UNC13B: variants seen among roughly 807,000 people sequenced by gnomAD.
UNC13B encodes unc-13 homolog B.
Under a neutral mutation model 211.0 loss-of-function variants are expected in UNC13B, and 144 were observed. The observed-to-expected ratio is 0.68, with a 90% CI of 0.60 to 0.78. UNC13B has a LOEUF of 0.78. Ranked by LOEUF, UNC13B falls within the 30% of genes least tolerant of loss-of-function variation. The pLI is 0.00. For synonymous variants in UNC13B, 709 were observed against 725.8 expected (o/e 0.98, Z 0.37); for missense variants, 1,777 against 2,002.0 (o/e 0.89, Z 2.14).
rs1829822662 is a variant in UNC13B at position 35,304,283 on chromosome 9, T to G, written c.4879T>G (p.Leu1627Val). 1 of 398,756 alleles carries G rather than the reference T, an allele frequency of 2.5e-6. No individual in the cohort carries two copies. Among genetic ancestry groups the G allele is most frequent in the Non-Finnish European group, 4.4e-6 (1 of 225,900 alleles). 24.7% of individuals were successfully genotyped at this position (398,756 alleles called of 1,614,324 possible). ...AAGTGAGGAACCATTGTATCTAAATTTAGAAACCTTTTCACAAGTACTTAA... is the reference window on the plus strand; with the variant it reads ...AAGTGAGGAACCATTGTATCTAAATGTAGAAACCTTTTCACAAGTACTTAA... ...PRSEEPLYLN[L>V]ETFSQVLKES... The change falls in exon 9 of 40, where the codon TTA becomes GTA. Residue 1627 changes from leucine (L) to valine (V), a missense_variant. Leu to Val is a conservative substitution (Grantham distance 32). Coordinates refer to ENST00000635942, the MANE Select transcript of UNC13B (RefSeq NM_001371189.2).
At position 35,222,343 on chromosome 9, in the gene UNC13B, A is replaced by G. The variant is rs1027012252; in HGVS notation, c.23-5672A>G. Among the ~76,000 whole-genome samples the G allele has an allele frequency of 4.4e-4, 67 of 152,194 alleles. 1 individual carries two copies. Among genetic ancestry groups the G allele is most frequent in the Non-Finnish European group, 8.8e-4 (60 of 68,030 alleles). On this transcript the variant is annotated intron_variant, in intron 1 of 39. Coordinates refer to ENST00000635942, the MANE Select transcript of UNC13B (RefSeq NM_001371189.2). ...TTTGATTTCTCTCCTCAGTGTTTAT[A>G]GTTTTTAACTTACAGGCCTTACATT... is the stretch of plus-strand genomic sequence containing the variant.
At chr9:35,382,250 A>G (rs1026280318) in intron 20 of UNC13B, 107 bp from the exon 21 acceptor site, 88 of 1,458,034 alleles carry the variant, frequency 6.0e-5, no homozygotes, top group Admixed American at 1.1e-4. Flanking sequence ...GAGGGCAGCA[A>G]TTGCCCTGGC....
chr9:35,353,463 G>A, intron 11 of UNC13B: 2 of 1,232,194 alleles, frequency 1.6e-6, no homozygotes, highest in Non-Finnish European at 2.0e-6. Flanking sequence ...GAGAGCCCTG[G>A]GAGTCAGGGG....
Position 35,295,759 on chromosome 9 carries a change from A to G in UNC13B, c.590A>G (p.Asn197Ser). The G allele has an allele frequency of 6.2e-7, 1 of 1,613,992 alleles. No individual in the cohort carries two copies. Among genetic ancestry groups the G allele is most frequent in the South Asian group, 1.1e-5 (1 of 91,044 alleles). The change falls in exon 8 of 40, where the codon AAC (asparagine) becomes AGC (serine). Residue 197 changes from asparagine to serine, a missense_variant. Coordinates refer to ENST00000635942, the MANE Select transcript of UNC13B (RefSeq NM_001371189.2). ...AGTGACTATCGCAGTGAGACCAGCA[A>G]CAGCTTCCCACCTCCTTACCATACA... The part of the protein sequence containing the change: ...RDSDYRSETS[N>S]SFPPPYHTAS...
intron 6 of UNC13B, among the ~76,000 whole-genome samples, chr9:35,257,304 A>AAAAATATAAATATTTAT (rs1222484397): frequency 6.6e-5 from 2 of 30,180 alleles, no homozygotes; most frequent in Admixed American, 5.2e-4. Flanking sequence ...TTATATTTAT[A>AAAAATATAAATATTTAT]AAAAATATAA....
At position 35,190,489 on chromosome 9, in the gene UNC13B, G is replaced by C. The variant is rs929493185; in HGVS notation, c.22+28184G>C. Among the ~76,000 whole-genome samples the C allele has an allele frequency of 7.2e-5, 11 of 152,244 alleles. No homozygotes were observed. The East Asian group carries it at 1.4e-3, about 19-fold the overall frequency. ...AAAACAGAACTGAGCCTTTGATTTTGAGAGGGAATGATCTGCTTTTAATTC... is the reference window on the plus strand; with the variant it reads ...AAAACAGAACTGAGCCTTTGATTTTCAGAGGGAATGATCTGCTTTTAATTC... On this transcript the variant is annotated intron_variant, in intron 1 of 39. Transcript: ENST00000635942.
intron 17 of UNC13B, 58 bp downstream of exon 17, chr9:35,378,494 A>T: frequency 6.3e-7 from 1 of 1,599,484 alleles, no homozygotes; most frequent in Non-Finnish European, 8.6e-7. Context: ...GAGCAGGATC[A>T]CATCCTGCCA....
chr9:35,209,782 C>A (rs1218122597), intron 1 of UNC13B, among the ~76,000 whole-genome samples: 1 of 152,200 alleles, frequency 6.6e-6, no homozygotes, highest in Admixed American at 6.5e-5. Context: ...ATTCTTCATT[C>A]TATTTCCATT....
chr9:35,376,836 G>A (rs1834447047), intron 15 of UNC13B, among the ~76,000 whole-genome samples: 1 of 152,188 alleles, frequency 6.6e-6, no homozygotes. Context: ...ATAGGAGCAG[G>A]AAAAGCAACA....
intron 6 of UNC13B, among the ~76,000 whole-genome samples, chr9:35,247,170 A>T (rs1307779325): frequency 6.6e-6 from 1 of 152,168 alleles, no homozygotes; most frequent in Non-Finnish European, 1.5e-5. Flanking sequence ...TTATTGGTGT[A>T]CAGGAATGCT....
Position 35,381,101 on chromosome 9 carries a change from G to C in UNC13B, c.10377G>C (p.Glu3459Asp). 6.2e-7 allele frequency: 1 copy of C among 1,613,682 alleles called. No individual in the cohort carries two copies. Among genetic ancestry groups the C allele is most frequent in the Non-Finnish European group, 8.5e-7 (1 of 1,179,718 alleles). The change falls in exon 19 of 40, where the codon GAG becomes GAC. Residue 3459 changes from glutamate (E) to aspartate (D), a missense_variant and splice_region_variant. Glu to Asp is a conservative substitution (Grantham distance 45, BLOSUM62 2). Coordinates refer to ENST00000635942, the MANE Select transcript of UNC13B (RefSeq NM_001371189.2). Reference protein sequence around the residue: ...SGEMDVWYNLEKRTDKSAVSG... With the variant: ...SGEMDVWYNLDKRTDKSAVSG... ...TCTCCAGTCTTCTTTCCTTCCTAGA[G>C]AAGAGGACAGACAAATCAGCCGTCT... is the stretch of plus-strand genomic sequence containing the variant.
rs1248809477 is a variant in UNC13B at position 35,396,464 on chromosome 9, C to T, written c.11309-12C>T. The T allele has an allele frequency of 1.9e-6, 3 of 1,613,910 alleles. No homozygotes were observed. The highest frequency in any genetic ancestry group is 2.7e-5 in the African/African-American group (2 of 74,912). ...TGCTGGGACCTGACCCAACCTTTCT[C>T]CCTACCACTAGAGCATGAGAAAGAC... On this transcript the variant is annotated splice_polypyrimidine_tract_variant and intron_variant, in intron 26 of 39. Transcript: ENST00000635942.
chr9:35,297,557 T>TG (rs768770247), intron 8 of UNC13B, among the ~76,000 whole-genome samples: 1,828 of 143,972 alleles, frequency 0.013, 37 homozygotes, highest in Non-Finnish European at 0.021. Context: ...CTTTTTTTTT[T>TG]TTTTTTTTTT....
chr9:35,201,047 G>T (rs915986955), intron 1 of UNC13B, among the ~76,000 whole-genome samples: 10 of 152,150 alleles, frequency 6.6e-5, no homozygotes, highest in Admixed American at 3.3e-4. Flanking sequence ...TAGCATGACG[G>T]GCTGTTGAAT....
intron 1 of UNC13B, among the ~76,000 whole-genome samples, chr9:35,184,683 C>T (rs545692909): frequency 2.4e-3 from 349 of 148,322 alleles, no homozygotes; most frequent in Non-Finnish European, 3.9e-3. Flanking sequence ...AGTCCAGCCT[C>T]GACAACAGAG....
chr9:35,289,960 A>G (rs1165721397), intron 7 of UNC13B, among the ~76,000 whole-genome samples: 1 of 152,164 alleles, frequency 6.6e-6, no homozygotes, highest in Admixed American at 6.5e-5. Flanking sequence ...TGGGTGACAG[A>G]GTGAGACTCT....
intron 5 of UNC13B, among the ~76,000 whole-genome samples, chr9:35,241,194 A>T (rs994263611): frequency 9.9e-5 from 15 of 152,078 alleles, no homozygotes; most frequent in African/African-American, 3.4e-4. Flanking sequence ...CCCAACTATT[A>T]TTCCCCACTT....
chr9:35,252,817 C>G (rs1018404585), intron 6 of UNC13B, among the ~76,000 whole-genome samples: 5 of 151,958 alleles, frequency 3.3e-5, no homozygotes, highest in African/African-American at 1.2e-4. Flanking sequence ...GTAGTCCCAG[C>G]TACTTGGGAG....
chr9:35,370,953 T>A (rs1834075681), intron 13 of UNC13B, among the ~76,000 whole-genome samples: 1 of 152,138 alleles, frequency 6.6e-6, no homozygotes, highest in Admixed American at 6.5e-5. Flanking sequence ...CATCCCATCC[T>A]CCCAGGATGA....
Sources: allele counts gnomAD v4.1 joint callset (sites outside exome capture counted in the v4.1 genomes callset), GRCh38; gene constraint gnomAD v4.1.1; transcripts MANE v1.5; gene names NCBI Gene and HGNC (gene_info 2026-07-23, HGNC 2026-07-21).